The following ACYP2 variants were observed in gnomAD, a reference collection of about 807,000 sequenced individuals.
The protein encoded by ACYP2 is acylphosphatase 2, also known as acylphosphatase-2.
ACYP2 carries 12 observed loss-of-function variants against 11.2 expected under a neutral mutation model. The observed-to-expected ratio is 1.08, with a 90% CI of 0.69 to 1.74. The LOEUF (loss-of-function observed/expected upper bound fraction) is 1.74, where lower values mean the gene tolerates loss of function less well. Among genes scored for constraint, ACYP2 ranks in the 40% most tolerant of loss-of-function variants. The pLI, the probability that ACYP2 is intolerant of heterozygous loss-of-function variation, is 0.00. For synonymous variants in ACYP2, 43 were observed against 32.2 expected, an observed-to-expected ratio of 1.33 and a Z score of -1.13; for missense variants, 134 against 101.9, an observed-to-expected ratio of 1.31 and a Z score of -1.35.
intron 4 of ACYP2, among the ~76,000 whole-genome samples, chr2:54,069,434 G>A (rs1331428035): frequency 6.6e-6 from 1 of 152,192 alleles, no homozygotes; most frequent in East Asian, 1.9e-4. Context: ...AGGCCGAGGC[G>A]GGTGGATCAC....
chr2:54,247,033 G>GT (rs987186650), intron 6 of ACYP2, among the ~76,000 whole-genome samples: 6 of 152,162 alleles, frequency 3.9e-5, no homozygotes, highest in Non-Finnish European at 5.9e-5. Context: ...CAGGAAGGTT[G>GT]TAACTATTCC....
intron 6 of ACYP2, among the ~76,000 whole-genome samples, chr2:54,295,769 T>G (rs1261011275): frequency 1.3e-5 from 2 of 151,336 alleles, no homozygotes; most frequent in African/African-American, 4.9e-5. Flanking sequence ...ACCTTCTTTT[T>G]TGTGTGTGTG....
At chr2:53,971,516 A>T (rs540568517) in intron 1 of ACYP2, among the ~76,000 whole-genome samples, 4 of 152,194 alleles carry the variant, frequency 2.6e-5, no homozygotes, top group African/African-American at 7.2e-5. Flanking sequence ...AGAAGAAAAT[A>T]GTTACTCGCT....
intron 6 of ACYP2, among the ~76,000 whole-genome samples, chr2:54,287,722 T>C (rs1180327668): frequency 6.6e-6 from 1 of 151,956 alleles, no homozygotes; most frequent in Non-Finnish European, 1.5e-5. Flanking sequence ...CTGACTGAGT[T>C]TTCCCAGCAT....
At chr2:54,072,882 A>T (rs1677140113) in intron 4 of ACYP2, among the ~76,000 whole-genome samples, 1 of 152,076 alleles carries the variant, frequency 6.6e-6, no homozygotes, top group Admixed American at 6.6e-5. Context: ...CTTTTTTAAA[A>T]GTGGAAAATT....
At chr2:54,257,409 G>T (rs1687605840) in intron 6 of ACYP2, among the ~76,000 whole-genome samples, 1 of 152,180 alleles carries the variant, frequency 6.6e-6, no homozygotes, top group Non-Finnish European at 1.5e-5. Context: ...TCTGTCAGAA[G>T]TGACATAAAT....
chr2:54,171,538 T>C (rs765304774), intron 6 of ACYP2, among the ~76,000 whole-genome samples: 5 of 152,348 alleles, frequency 3.3e-5, no homozygotes, highest in Non-Finnish European at 5.9e-5. Context: ...CGTTGGTTGC[T>C]AAATACATTA....
At chr2:54,268,278 A>T (rs1449811697) in intron 6 of ACYP2, among the ~76,000 whole-genome samples, 1 of 152,176 alleles carries the variant, frequency 6.6e-6, no homozygotes, top group Non-Finnish European at 1.5e-5. Context: ...AGGTTGTTGG[A>T]CTACTTAAGT....
chr2:54,233,201 C>A (rs1286621831), intron 6 of ACYP2, among the ~76,000 whole-genome samples: 2 of 151,932 alleles, frequency 1.3e-5, no homozygotes, highest in South Asian at 4.2e-4. Flanking sequence ...TAATAAACTG[C>A]ACATATTTAA....
intron 6 of ACYP2, among the ~76,000 whole-genome samples, chr2:54,152,136 T>TTTTA (rs1682205603): frequency 4.2e-5 from 6 of 143,818 alleles, no homozygotes; most frequent in East Asian, 2.0e-4. Context: ...TTTTTTTTTT[T>TTTTA]GAGGCAGAGT....
intron 6 of ACYP2, among the ~76,000 whole-genome samples, chr2:54,219,879 GTGTATA>G (rs1461462223): frequency 5.5e-5 from 3 of 54,416 alleles, no homozygotes; most frequent in Non-Finnish European, 9.9e-5. Flanking sequence ...GTGTGTGTGT[GTGTATA>G]TATATATATA....
At chr2:54,206,625 G>A (rs1685078210) in intron 6 of ACYP2, among the ~76,000 whole-genome samples, 1 of 152,156 alleles carries the variant, frequency 6.6e-6, no homozygotes, top group Non-Finnish European at 1.5e-5. Flanking sequence ...TTAGTATTTT[G>A]TAAACTCTCC....
intron 2 of ACYP2, among the ~76,000 whole-genome samples, chr2:54,000,693 C>T (rs938140871): frequency 6.6e-6 from 1 of 152,096 alleles, no homozygotes; most frequent in African/African-American, 2.4e-5. Flanking sequence ...CATGATAACC[C>T]CAGCAGGGGC....
At chr2:54,031,075 G>A (rs1463498018) in intron 2 of ACYP2, among the ~76,000 whole-genome samples, 2 of 152,148 alleles carry the variant, frequency 1.3e-5, no homozygotes, top group Non-Finnish European at 2.9e-5. Flanking sequence ...AGTTCAGCAG[G>A]TTATGTCTCA....
At chr2:54,086,094 C>T (rs934170972) in intron 4 of ACYP2, among the ~76,000 whole-genome samples, 1 of 152,072 alleles carries the variant, frequency 6.6e-6, no homozygotes, top group African/African-American at 2.4e-5. Flanking sequence ...CAGGTGTGCA[C>T]CATCAGGCCT....
intron 6 of ACYP2, chr2:54,143,243 G>C (rs1455738331): frequency 1.3e-5 from 2 of 152,150 alleles, no homozygotes; most frequent in African/African-American, 4.8e-5. Context: ...GTTTCACCTA[G>C]TAAAAAGATG....
intron 2 of ACYP2, chr2:54,029,576 C>T: frequency 2.5e-6 from 1 of 394,158 alleles, no homozygotes; most frequent in Non-Finnish European, 4.9e-6. Context: ...CTGACTGGTG[C>T]TTCAGTTGAA....
At chr2:54,217,993 C>T (rs1685626733) in intron 6 of ACYP2, among the ~76,000 whole-genome samples, 1 of 152,124 alleles carries the variant, frequency 6.6e-6, no homozygotes, top group African/African-American at 2.4e-5. Flanking sequence ...ACTCCAAAAC[C>T]TTGTTACCAC....
At chr2:54,016,766 C>T (rs926770847) in intron 2 of ACYP2, among the ~76,000 whole-genome samples, 1 of 146,522 alleles carries the variant, frequency 6.8e-6, no homozygotes. Flanking sequence ...TGCTGTGTCG[C>T]TCAGGCTGGA....
Sources: allele counts gnomAD v4.1 joint callset (sites outside exome capture counted in the v4.1 genomes callset), GRCh38; gene constraint gnomAD v4.1.1; transcripts MANE v1.5; gene names NCBI Gene and HGNC (gene_info 2026-07-23, HGNC 2026-07-21).